The following DOCK4 variants were observed in gnomAD, a reference collection of about 807,000 sequenced individuals.
DOCK4 encodes dedicator of cytokinesis protein 4.
In DOCK4, 97 loss-of-function variants were observed where a neutral mutation model predicts 268.1. The ratio of observed to expected loss-of-function variants is 0.36; its 90% CI spans 0.31 to 0.43. The LOEUF is 0.43. DOCK4 is among the 20% of genes least tolerant of loss of function. The probability of loss-of-function intolerance (pLI) is 1.00; values close to 1 mark genes in which losing one functional copy is unlikely to be tolerated. For synonymous variants in DOCK4, 954 were observed against 887.2 expected, an observed-to-expected ratio of 1.08 and a Z score of -1.34; for missense variants, 2,145 against 2,455.7, an observed-to-expected ratio of 0.87 and a Z score of 2.67.
chr7:111,923,855 C>T (rs1793368307), intron 12 of DOCK4, among the ~76,000 whole-genome samples: 1 of 152,150 alleles, frequency 6.6e-6, no homozygotes, highest in Admixed American at 6.5e-5. Flanking sequence ...AGTTATTTTA[C>T]TAATTCGTTT....
rs1232976348 is a variant in DOCK4, at chr7:111,790,138, ACT to A, written c.3315+317_3315+318del. The stretch of plus-strand genomic sequence containing the variant: ...GAGAGCTCAATGAGTTTAATCATTA[ACT>A]CTCTGATTCTTCTGCTCTGTGTCCA... On this transcript the variant is annotated intron_variant, in intron 31 of 52. Coordinates refer to ENST00000428084, the MANE Select transcript of DOCK4 (RefSeq NM_001363540.2). 2.0e-5 allele frequency among the ~76,000 whole-genome samples: 3 copies of A among 152,104 alleles called. No homozygotes were observed. In the East Asian group the frequency reaches 5.8e-4, roughly 29 times the overall value.
chr7:111,739,845 T>C lies in DOCK4; in HGVS notation c.5041-368A>G, dbSNP rs962418016. ...CTTCTTGTTATCTGTACAAGTATGT[T>C]CAAAGCATGAATTTGGAAATAAGTG... is the stretch of plus-strand genomic sequence containing the variant. On this transcript the variant is annotated intron_variant, in intron 47 of 52. Transcript: ENST00000428084. 3.6e-5 allele frequency: 12 copies of C among 331,044 alleles called. 1 individual carries two copies. The highest frequency in any genetic ancestry group is 4.9e-5 in the South Asian group (2 of 41,046). The allele number at this position is 331,044 out of a possible 1,614,324, so 20.5% of individuals were successfully genotyped here.
chr7:111,889,150 T>G lies in DOCK4; in HGVS notation c.1587+6462A>C, dbSNP rs145306306. Among the ~76,000 whole-genome samples, 2 of 152,192 alleles carry G rather than the reference T, an allele frequency of 1.3e-5. 1 individual carries two copies. The highest frequency in any genetic ancestry group is 4.1e-4 in the South Asian group (2 of 4,828). On this transcript the variant is annotated intron_variant, in intron 16 of 52. Transcript: ENST00000428084. ...AGTGTTTTCCCCCCACTGTTCAGCT[T>G]ATGTGTTCAGCTTGATATGTTTTTA...
At chr7:111,782,340 T>C (rs1255606473) in intron 35 of DOCK4, among the ~76,000 whole-genome samples, 1 of 152,184 alleles carries the variant, frequency 6.6e-6, no homozygotes, top group Non-Finnish European at 1.5e-5. Context: ...TTAACAAAAG[T>C]GCTATTATGA....
At chr7:111,823,919 G>C (rs1211763997) in intron 26 of DOCK4, among the ~76,000 whole-genome samples, 4 of 152,172 alleles carry the variant, frequency 2.6e-5, no homozygotes, top group Non-Finnish European at 5.9e-5. Context: ...AAACCATGTG[G>C]TAGCTTTATT....
At chr7:111,998,553 G>A in intron 3 of DOCK4, 50 bp from the exon 4 acceptor site, 2 of 1,446,388 alleles carry the variant, frequency 1.4e-6, no homozygotes, top group Non-Finnish European at 1.9e-6. Flanking sequence ...AGGCAGGGTT[G>A]GTTTCACAAG....
At chr7:111,846,434 C>A (rs1238687211) in intron 24 of DOCK4, among the ~76,000 whole-genome samples, 1 of 151,820 alleles carries the variant, frequency 6.6e-6, no homozygotes, top group Non-Finnish European at 1.5e-5. Context: ...GCAGTGCATT[C>A]TCTAATGCAA....
intron 12 of DOCK4, among the ~76,000 whole-genome samples, chr7:111,924,363 G>A (rs1480509272): frequency 6.6e-6 from 1 of 152,106 alleles, no homozygotes; most frequent in African/African-American, 2.4e-5. Context: ...ACTGGGACCA[G>A]GGGAAATGTG....
At chr7:112,132,389 A>C (rs1012796812) in intron 1 of DOCK4, among the ~76,000 whole-genome samples, 10 of 152,190 alleles carry the variant, frequency 6.6e-5, no homozygotes, top group Admixed American at 4.6e-4. Context: ...GAAATTAACC[A>C]GGAAAAATCT....
At chr7:111,894,810 C>A (rs749651863) in intron 16 of DOCK4, among the ~76,000 whole-genome samples, 3 of 152,122 alleles carry the variant, frequency 2.0e-5, no homozygotes, top group Admixed American at 6.5e-5. Flanking sequence ...CAGCAAGAAG[C>A]TTTTGAATGG....
chr7:112,016,609 G>A (rs1801829886), intron 1 of DOCK4, among the ~76,000 whole-genome samples: 1 of 152,138 alleles, frequency 6.6e-6, no homozygotes, highest in Non-Finnish European at 1.5e-5. Flanking sequence ...CATGATGTTT[G>A]TCACAGGGTT....
intron 27 of DOCK4, among the ~76,000 whole-genome samples, chr7:111,813,982 T>C (rs1383465072): frequency 6.6e-6 from 1 of 152,218 alleles, no homozygotes; most frequent in Non-Finnish European, 1.5e-5. Context: ...TGCTTTGATG[T>C]TCAACGAGAA....
chr7:112,177,178 G>C (rs113582867), intron 1 of DOCK4, among the ~76,000 whole-genome samples: 1,971 of 152,288 alleles, frequency 0.013, 44 homozygotes, highest in African/African-American at 0.043. Context: ...CAGCAGCCTA[G>C]GCTGAGGTAT....
intron 16 of DOCK4, among the ~76,000 whole-genome samples, chr7:111,884,932 A>G (rs937001473): frequency 1.3e-5 from 2 of 152,242 alleles, no homozygotes; most frequent in African/African-American, 2.4e-5. Context: ...AAGGTTATCC[A>G]GTTTCCTAAT....
At chr7:111,973,986 G>A (rs906638321) in intron 8 of DOCK4, among the ~76,000 whole-genome samples, 4 of 152,072 alleles carry the variant, frequency 2.6e-5, no homozygotes, top group Non-Finnish European at 2.9e-5. Context: ...GAGAAGATGC[G>A]GACATTTGAT....
At chr7:111,749,060 A>T (rs1796465114) in intron 42 of DOCK4, among the ~76,000 whole-genome samples, 1 of 152,180 alleles carries the variant, frequency 6.6e-6, no homozygotes, top group African/African-American at 2.4e-5. Context: ...AAGCAAGGGA[A>T]TGGATACCAT....
At chr7:111,749,616 G>A (rs1265113487) in intron 42 of DOCK4, among the ~76,000 whole-genome samples, 1 of 151,916 alleles carries the variant, frequency 6.6e-6, no homozygotes, top group Non-Finnish European at 1.5e-5. Flanking sequence ...AAATACAAAC[G>A]ACTTGGAAAA....
intron 1 of DOCK4, among the ~76,000 whole-genome samples, chr7:112,129,852 G>A (rs1420978229): frequency 6.6e-6 from 1 of 152,130 alleles, no homozygotes; most frequent in Non-Finnish European, 1.5e-5. Context: ...GCAGAACAGA[G>A]ACTAGATCTC....
intron 23 of DOCK4, among the ~76,000 whole-genome samples, chr7:111,858,889 C>G (rs776105947): frequency 6.6e-6 from 1 of 151,646 alleles, no homozygotes; most frequent in Non-Finnish European, 1.5e-5. Context: ...CTGGAGAAAT[C>G]TGACTAATAC....
Sources: gnomAD v4.1 joint callset for allele counts (sites outside exome capture counted in the v4.1 genomes callset) on GRCh38, gnomAD v4.1.1 for gene constraint, MANE v1.5 for transcripts, NCBI Gene and HGNC (gene_info 2026-07-23, HGNC 2026-07-21) for gene names.